EPB41L2: variants seen among roughly 807,000 people sequenced by gnomAD.
The protein encoded by EPB41L2 is erythrocyte membrane protein band 4.1 like 2, also known as band 4.1-like protein 2.
Under a neutral mutation model 113.0 loss-of-function variants are expected in EPB41L2, and 43 were observed. That is an observed-to-expected ratio of 0.38 (90% CI 0.30 to 0.49). The LOEUF is 0.49. Ranked by LOEUF, EPB41L2 falls within the 20% of genes least tolerant of loss-of-function variation. EPB41L2 has a pLI of 0.95. For synonymous variants in EPB41L2, 442 were observed against 436.7 expected (o/e 1.01, Z -0.15); for missense variants, 1,147 against 1,223.4 (o/e 0.94, Z 0.93).
chr6:130,952,760 A>C (rs923258982), intron 3 of EPB41L2, among the ~76,000 whole-genome samples: 1 of 151,830 alleles, frequency 6.6e-6, no homozygotes, highest in African/African-American at 2.4e-5. Context: ...CAGTGAGCCG[A>C]GATCGTGCCA....
At chr6:130,942,663 T>C (rs1264685309) in intron 3 of EPB41L2, among the ~76,000 whole-genome samples, 1 of 152,198 alleles carries the variant, frequency 6.6e-6, no homozygotes. Context: ...GCAGGTTTGT[T>C]ACATAGGTAT....
Position 130,869,725 on chromosome 6 carries a change from C to T in EPB41L2, c.2445G>A (p.Gln815=), listed in dbSNP as rs1488094492. Residue 815 remains glutamine (Q), a synonymous_variant, in exon 15 of 20, where the codon CAG becomes CAA. Coordinates refer to ENST00000337057, the MANE Select transcript of EPB41L2 (RefSeq NM_001431.4). ...GTATCTTTTGGGCACCTACATTTTCCTGGATCACTGTTTCTACTGTGATTA... is the reference window on the plus strand; with the variant it reads ...GTATCTTTTGGGCACCTACATTTTCTTGGATCACTGTTTCTACTGTGATTA... ...ASVITVETVI[Q]ENVGAQKIPG... 1 of 1,614,038 alleles carries T rather than the reference C, an allele frequency of 6.2e-7. No homozygotes were observed. The highest frequency in any genetic ancestry group is 8.5e-7 in the Non-Finnish European group (1 of 1,180,028).
intron 11 of EPB41L2, among the ~76,000 whole-genome samples, chr6:130,886,453 A>G (rs1414080239): frequency 6.6e-6 from 1 of 152,134 alleles, no homozygotes; most frequent in Non-Finnish European, 1.5e-5. Context: ...AGGTCCTTGT[A>G]TATATTTCTA....
chr6:130,910,650 G>C (rs1184163425), intron 4 of EPB41L2, among the ~76,000 whole-genome samples: 2 of 152,106 alleles, frequency 1.3e-5, no homozygotes, highest in Non-Finnish European at 2.9e-5. Context: ...CTAATATCCA[G>C]AATCTACAAG....
At chr6:130,873,315 G>A (rs1786359694) in intron 14 of EPB41L2, among the ~76,000 whole-genome samples, 1 of 152,196 alleles carries the variant, frequency 6.6e-6, no homozygotes, top group South Asian at 2.1e-4. Context: ...TAACTTTGCT[G>A]TGTCTGGCTC....
At position 130,944,468 on chromosome 6, in the gene EPB41L2, T is replaced by C. The variant is rs568512595; in HGVS notation, c.705+10637A>G. 3.3e-5 allele frequency among the ~76,000 whole-genome samples: 5 copies of C among 152,178 alleles called. No homozygotes were observed. In the South Asian group the frequency reaches 1.0e-3, roughly 32 times the overall value. Reference sequence around the variant, plus strand: ...ACCAGGTGAAGAAACAACATCAGCATGAGAAAAATCAAACAATACAAGAGT... The same window carrying C: ...ACCAGGTGAAGAAACAACATCAGCACGAGAAAAATCAAACAATACAAGAGT... On this transcript the variant is annotated intron_variant, in intron 3 of 19. Transcript: ENST00000337057.
chr6:130,853,342 T>C (rs946896705), intron 19 of EPB41L2, among the ~76,000 whole-genome samples: 1 of 152,142 alleles, frequency 6.6e-6, no homozygotes, highest in African/African-American at 2.4e-5. Context: ...TGTGGCTCAT[T>C]CTTTCTGAGA....
intron 1 of EPB41L2, among the ~76,000 whole-genome samples, chr6:130,971,472 A>T (rs77765801): frequency 1.5e-4 from 23 of 152,272 alleles, no homozygotes; most frequent in African/African-American, 5.5e-4. Flanking sequence ...TATTACGTAG[A>T]ATAAGGGTGA....
intron 1 of EPB41L2, among the ~76,000 whole-genome samples, chr6:130,982,603 T>C (rs1416206515): frequency 1.3e-5 from 2 of 152,206 alleles, no homozygotes; most frequent in Non-Finnish European, 1.5e-5. Flanking sequence ...TGTCAAAACG[T>C]AAAGAACTCA....
At chr6:131,006,186 A>G (rs1278789058) in intron 1 of EPB41L2, among the ~76,000 whole-genome samples, 1 of 151,658 alleles carries the variant, frequency 6.6e-6, no homozygotes, top group Non-Finnish European at 1.5e-5. Flanking sequence ...CCTCCTGAGT[A>G]GCTGGGATTA....
intron 13 of EPB41L2, among the ~76,000 whole-genome samples, chr6:130,879,830 C>T (rs202125387): frequency 1.3e-5 from 2 of 152,228 alleles, no homozygotes; most frequent in East Asian, 3.9e-4. Context: ...AGGTTGATGC[C>T]CTAGAGTTAA....
At chr6:131,043,432 C>A (rs1210607770) in intron 1 of EPB41L2, among the ~76,000 whole-genome samples, 1 of 151,522 alleles carries the variant, frequency 6.6e-6, no homozygotes, top group African/African-American at 2.4e-5. Flanking sequence ...AAAACTGAAC[C>A]AGAAGATGAT....
At chr6:131,028,577 C>T (rs1026348706) in intron 1 of EPB41L2, among the ~76,000 whole-genome samples, 2 of 152,080 alleles carry the variant, frequency 1.3e-5, no homozygotes, top group African/African-American at 4.8e-5. Context: ...GTACACATAC[C>T]TCACTGAAGT....
chr6:130,994,265 G>A (rs1752404540), intron 1 of EPB41L2, among the ~76,000 whole-genome samples: 1 of 152,170 alleles, frequency 6.6e-6, no homozygotes, highest in Non-Finnish European at 1.5e-5. Flanking sequence ...GGGGCGGTTA[G>A]ATCTGATCAG....
At chr6:131,053,605 T>C (rs1797056872) in intron 1 of EPB41L2, among the ~76,000 whole-genome samples, 1 of 152,252 alleles carries the variant, frequency 6.6e-6, no homozygotes, top group South Asian at 2.1e-4. Flanking sequence ...GCTGCTTAAC[T>C]GATCGCAGGT....
intron 1 of EPB41L2, among the ~76,000 whole-genome samples, chr6:130,989,697 T>C (rs1186350906): frequency 2.0e-5 from 3 of 152,228 alleles, no homozygotes; most frequent in Non-Finnish European, 2.9e-5. Flanking sequence ...AATGTTGGGA[T>C]CTGTGTTTTC....
chr6:130,961,126 C>G (rs865922371), intron 1 of EPB41L2, among the ~76,000 whole-genome samples: 10 of 152,312 alleles, frequency 6.6e-5, no homozygotes, highest in Middle Eastern at 3.4e-3. Flanking sequence ...TCTGGCAATG[C>G]TCATTGACTA....
chr6:130,851,098 G>T (rs966561858), intron 19 of EPB41L2, among the ~76,000 whole-genome samples: 1 of 152,114 alleles, frequency 6.6e-6, no homozygotes, highest in Non-Finnish European at 1.5e-5. Context: ...TAGGCAAACA[G>T]AATAAAATAA....
rs1254475646 is a variant in EPB41L2, at chr6:130,973,653, T to C, written c.-14-17154A>G. ...TCACCCCTCTGCTCACTGAGATAAA[T>C]GCATATCCGATTGCCTCTTTTGGAG... On this transcript the variant is annotated intron_variant, in intron 1 of 19. Transcript: ENST00000337057. Among the ~76,000 whole-genome samples the C allele has an allele frequency of 3.3e-5, 5 of 152,286 alleles. No homozygotes were observed. In the East Asian group the frequency reaches 9.7e-4, roughly 29 times the overall value.
Sources: allele counts gnomAD v4.1 joint callset (sites outside exome capture counted in the v4.1 genomes callset), GRCh38; gene constraint gnomAD v4.1.1; transcripts MANE v1.5; gene names NCBI Gene and HGNC (gene_info 2026-07-23, HGNC 2026-07-21).